The following COL23A1 variants were observed in gnomAD, a reference collection of about 807,000 sequenced individuals.
The protein encoded by COL23A1 is collagen alpha-1(XXIII) chain.
Under a neutral mutation model 99.3 loss-of-function variants are expected in COL23A1, and 97 were observed. The observed-to-expected ratio is 0.98, with a 90% CI of 0.83 to 1.16. The LOEUF (loss-of-function observed/expected upper bound fraction) is 1.16. Among genes scored for constraint, COL23A1 ranks in the 50% most tolerant of loss-of-function variants. The probability of loss-of-function intolerance (pLI) is 0.00; values close to 1 mark genes in which losing one functional copy is unlikely to be tolerated. For missense variants in COL23A1, 762 were observed against 757.4 expected (o/e 1.01, Z -0.07); for synonymous variants, 320 against 308.2 (o/e 1.04, Z -0.40).
intron 25 of COL23A1, among the ~76,000 whole-genome samples, chr5:178,244,204 T>TG (rs1317900691): frequency 6.6e-6 from 1 of 151,388 alleles, no homozygotes; most frequent in Non-Finnish European, 1.5e-5. Context: ...TTAGCCAGGA[T>TG]GGTCTCTATC....
chr5:178,402,485 T>C, intron 2 of COL23A1, among the ~76,000 whole-genome samples: 1 of 152,196 alleles, frequency 6.6e-6, no homozygotes, highest in East Asian at 1.9e-4. Context: ...TAAGATCTAG[T>C]ATTTAATAGA....
intron 2 of COL23A1, among the ~76,000 whole-genome samples, chr5:178,502,420 T>C (rs150117434): frequency 0.024 from 3,643 of 152,326 alleles, 51 homozygotes; most frequent in Non-Finnish European, 0.033. Context: ...CGTGAGCCAC[T>C]GCGCCCAGCC....
At chr5:178,331,269 A>G (rs1390211406) in intron 2 of COL23A1, among the ~76,000 whole-genome samples, 1 of 152,218 alleles carries the variant, frequency 6.6e-6, no homozygotes, top group African/African-American at 2.4e-5. Flanking sequence ...TTCTGGGTAT[A>G]TCTGGCAGAG....
intron 2 of COL23A1, among the ~76,000 whole-genome samples, chr5:178,418,475 T>C (rs1045676282): frequency 3.9e-5 from 6 of 152,210 alleles, no homozygotes; most frequent in Admixed American, 3.9e-4. Flanking sequence ...CCTGTGCACC[T>C]ATCTCGGCCA....
intron 2 of COL23A1, among the ~76,000 whole-genome samples, chr5:178,414,917 G>A (rs965467500): frequency 6.6e-6 from 1 of 152,210 alleles, no homozygotes; most frequent in African/African-American, 2.4e-5. Flanking sequence ...GACGTGTGGA[G>A]GTGTGGGTAG....
At chr5:178,571,997 G>A (rs573689546) in intron 1 of COL23A1, among the ~76,000 whole-genome samples, 1 of 145,112 alleles carries the variant, frequency 6.9e-6, no homozygotes, top group Non-Finnish European at 1.5e-5. Flanking sequence ...GAACCTGAGA[G>A]GCGGAGCTTG....
In COL23A1 at chr5:178,408,974, AT is replaced by A. The variant is rs1384897275; in HGVS notation, c.362-102056del. On this transcript the variant is annotated intron_variant, in intron 2 of 28. Transcript: ENST00000390654. The stretch of plus-strand genomic sequence containing the variant: ...CTGTCTCAAAAAAAAAAAAAAAAAA[AT>A]ACACACACACACACACACACACACA... Among the ~76,000 whole-genome samples the A allele has an allele frequency of 3.8e-3, 212 of 56,054 alleles. 2 individuals carry two copies. The highest frequency in any genetic ancestry group is 0.012 in the East Asian group (8 of 658). The allele number at this position is 56,054 out of a possible 152,430, so 36.8% of individuals were successfully genotyped here. A position where few individuals can be genotyped will look rare whatever the true frequency, so the allele number is the denominator to read the frequency against.
chr5:178,277,488 C>G (rs1164837210), intron 5 of COL23A1, among the ~76,000 whole-genome samples: 1 of 152,268 alleles, frequency 6.6e-6, no homozygotes, highest in East Asian at 1.9e-4. Context: ...CTCGCAGACC[C>G]TGGTCCACAG....
chr5:178,574,233 TA>T (rs1763241084), intron 1 of COL23A1, among the ~76,000 whole-genome samples: 1 of 152,168 alleles, frequency 6.6e-6, no homozygotes, highest in African/African-American at 2.4e-5. Context: ...AGAAGGCGGT[TA>T]CCTCTGGGTG....
intron 2 of COL23A1, among the ~76,000 whole-genome samples, chr5:178,417,817 G>A (rs1314776562): frequency 2.6e-5 from 4 of 152,346 alleles, no homozygotes; most frequent in East Asian, 3.9e-4. Flanking sequence ...CCGCAGAAAC[G>A]AGGACGTTCT....
At chr5:178,248,059 C>A (rs1018658032) in intron 20 of COL23A1, 133 bp downstream of exon 20, 22 of 749,472 alleles carry the variant, frequency 2.9e-5, no homozygotes, top group Non-Finnish European at 5.0e-5. Context: ...AGGGGTCTCG[C>A]TCCCCTTACT....
At chr5:178,532,896 G>A (rs1020242416) in intron 2 of COL23A1, among the ~76,000 whole-genome samples, 3 of 152,118 alleles carry the variant, frequency 2.0e-5, no homozygotes, top group African/African-American at 7.2e-5. Context: ...GCCAGAACCC[G>A]ACCACGCTGG....
intron 1 of COL23A1, among the ~76,000 whole-genome samples, chr5:178,586,915 C>G (rs937423271): frequency 6.6e-6 from 1 of 152,154 alleles, no homozygotes; most frequent in African/African-American, 2.4e-5. Flanking sequence ...AAGGAAAATG[C>G]GTAAACTTTA....
intron 2 of COL23A1, among the ~76,000 whole-genome samples, chr5:178,456,176 C>A (rs1767781230): frequency 6.6e-6 from 1 of 152,116 alleles, no homozygotes; most frequent in African/African-American, 2.4e-5. Flanking sequence ...ACCTTGCCAC[C>A]ATAATAAGTT....
At chr5:178,470,711 C>A (rs1756696708) in intron 2 of COL23A1, among the ~76,000 whole-genome samples, 1 of 152,186 alleles carries the variant, frequency 6.6e-6, no homozygotes, top group Non-Finnish European at 1.5e-5. Context: ...CGAAATTTCC[C>A]CAGTATTCCT....
rs532188902 is a variant in COL23A1, at chr5:178,502,245, C to T, written c.361+58437G>A. On this transcript the variant is annotated intron_variant, in intron 2 of 28. Transcript: ENST00000390654. ...CTCCCAGGTTCACGCCATTCTCCTGCCTCAGCCTCCCTAGCAGCTGGGACT... is the reference window on the plus strand; with the variant it reads ...CTCCCAGGTTCACGCCATTCTCCTGTCTCAGCCTCCCTAGCAGCTGGGACT... 2.6e-5 allele frequency among the ~76,000 whole-genome samples: 4 copies of T among 152,304 alleles called. No homozygotes were observed. In the South Asian group the frequency reaches 8.3e-4, roughly 32 times the overall value.
chr5:178,456,415 T>C (rs1379524107), intron 2 of COL23A1, among the ~76,000 whole-genome samples: 2 of 152,244 alleles, frequency 1.3e-5, no homozygotes, highest in South Asian at 2.1e-4. Flanking sequence ...ACTCGAGAGT[T>C]TGGCCGGGCA....
In COL23A1 at chr5:178,358,116, T is replaced by C. The variant is rs369378876; in HGVS notation, c.362-51197A>G. On this transcript the variant is annotated intron_variant, in intron 2 of 28. Transcript: ENST00000390654. ...TAGGTCTAATGTGTGTGTATGTGTA[T>C]GTGTACGTGTGTACGTCTAATGTGT... 5.3e-5 allele frequency among the ~76,000 whole-genome samples: 8 copies of C among 151,484 alleles called. 1 individual carries two copies. The highest frequency in any genetic ancestry group is 3.9e-4 in the Admixed American group (6 of 15,202).
At chr5:178,479,383 T>C (rs1385887315) in intron 2 of COL23A1, among the ~76,000 whole-genome samples, 7 of 152,192 alleles carry the variant, frequency 4.6e-5, no homozygotes, top group Non-Finnish European at 4.4e-5. Flanking sequence ...GCTGCCCTGA[T>C]GTCCCTCCTG....
Sources: allele counts gnomAD v4.1 joint callset (sites outside exome capture counted in the v4.1 genomes callset), GRCh38; gene constraint gnomAD v4.1.1; transcripts MANE v1.5; gene names NCBI Gene and HGNC (gene_info 2026-07-23, HGNC 2026-07-21).